ALAS2: variants seen among roughly 807,000 people sequenced by gnomAD.
ALAS2 encodes 5'-aminolevulinate synthase 2, also known as 5-aminolevulinate synthase, erythroid-specific, mitochondrial.
ALAS2 carries 3 observed loss-of-function variants against 33.7 expected under a neutral mutation model. That is an observed-to-expected ratio of 0.09 (90% CI 0.04 to 0.23). The LOEUF is 0.23. ALAS2 is among the 10% of genes least tolerant of loss of function. The probability of loss-of-function intolerance (pLI) is 1.00; values close to 1 mark genes in which losing one functional copy is unlikely to be tolerated. For missense variants in ALAS2, 304 were observed against 475.1 expected, an observed-to-expected ratio of 0.64 and a Z score of 3.35; for synonymous variants, 191 against 177.3, an observed-to-expected ratio of 1.08 and a Z score of -0.61.
At chrX:55,011,098 C>T (rs1261901812) in intron 10 of ALAS2, among the ~76,000 whole-genome samples, 3 of 111,233 alleles carry the variant, frequency 2.7e-5, no homozygotes, top group Non-Finnish European at 5.7e-5. Context: ...GCTGAAAAAA[C>T]AAAATGCATG....
At chrX:55,015,928 C>T (rs896416822) in intron 7 of ALAS2, among the ~76,000 whole-genome samples, 186 bp from the exon 8 acceptor site, 21 of 106,319 alleles carry the variant, frequency 2.0e-4, no homozygotes, top group Admixed American at 3.1e-4. Flanking sequence ...TGTATCTCAT[C>T]CCTGCCTTCT....
At chrX:55,027,337 G>A (rs1935908855) in intron 1 of ALAS2, among the ~76,000 whole-genome samples, 1 of 110,031 alleles carries the variant, frequency 9.1e-6, no homozygotes, top group Admixed American at 9.8e-5. Context: ...GGAGATGAGA[G>A]AGAGACTGAG....
intron 6 of ALAS2, 71 bp downstream of exon 6, chrX:55,020,249 A>G (rs1041818008): frequency 2.6e-5 from 28 of 1,061,655 alleles, no homozygotes; most frequent in African/African-American, 5.5e-5. Flanking sequence ...GGAAGGAGTG[A>G]TGGAACCAGT....
intron 10 of ALAS2, among the ~76,000 whole-genome samples, chrX:55,009,944 T>C (rs765071474): frequency 4.5e-4 from 50 of 111,729 alleles, no homozygotes; most frequent in African/African-American, 1.6e-3. Flanking sequence ...TCCAATCTTG[T>C]ATATCCAATG....
At chrX:55,014,326 C>T (rs931767933) in intron 9 of ALAS2, among the ~76,000 whole-genome samples, 1 of 111,665 alleles carries the variant, frequency 9.0e-6, no homozygotes, top group Non-Finnish European at 1.9e-5. Flanking sequence ...TGTGTATATG[C>T]AAATACCCAA....
intron 6 of ALAS2, among the ~76,000 whole-genome samples, chrX:55,019,057 A>G (rs1569547841): frequency 9.0e-6 from 1 of 111,431 alleles, no homozygotes; most frequent in Non-Finnish European, 1.9e-5. Context: ...GCAGGAGGTG[A>G]GGAAGTAGAT....
intron 10 of ALAS2, among the ~76,000 whole-genome samples, chrX:55,010,394 C>T (rs891164704): frequency 1.3e-4 from 15 of 111,482 alleles, no homozygotes; most frequent in Admixed American, 1.9e-4. Flanking sequence ...CAAGGGCTCT[C>T]AGAGTAAAAG....
chrX:55,020,836 A>G (rs949207396), intron 5 of ALAS2, among the ~76,000 whole-genome samples: 1 of 112,041 alleles, frequency 8.9e-6, no homozygotes, highest in Admixed American at 9.5e-5. Context: ...TTGGTCTCCC[A>G]TCCTTCCCCT....
intron 10 of ALAS2, among the ~76,000 whole-genome samples, chrX:55,010,951 T>G (rs1265722634): frequency 1.8e-5 from 2 of 111,512 alleles, no homozygotes; most frequent in African/African-American, 6.5e-5. Flanking sequence ...ATGCCTAAGT[T>G]AAGTCTACAA....
At position 55,025,398 on chromosome X, in the gene ALAS2, G is replaced by C. The variant is rs760704911; in HGVS notation, c.181+422C>G. Among the ~76,000 whole-genome samples, 13 of 111,435 alleles carry C rather than the reference G, an allele frequency of 1.2e-4. No individual in the cohort carries two copies. In the East Asian group the frequency reaches 3.7e-3, roughly 32 times the overall value. ...TGCCCAGGCTGGAGTGCAGTGGCATGATCTTGGCTCACTGCAACCTCCGCC... is the reference window on the plus strand; with the variant it reads ...TGCCCAGGCTGGAGTGCAGTGGCATCATCTTGGCTCACTGCAACCTCCGCC... On this transcript the variant is annotated intron_variant, in intron 2 of 10. Coordinates refer to ENST00000650242, the MANE Select transcript of ALAS2 (RefSeq NM_000032.5).
chrX:55,009,557 C>A (rs925041509), intron 10 of ALAS2, among the ~76,000 whole-genome samples: 1 of 111,655 alleles, frequency 9.0e-6, no homozygotes, highest in Non-Finnish European at 1.9e-5. Flanking sequence ...TGGAAGCTCT[C>A]CTTTGACACA....
intron 6 of ALAS2, among the ~76,000 whole-genome samples, chrX:55,018,783 G>GCAAA (rs1569547839): frequency 9.0e-6 from 1 of 110,889 alleles, no homozygotes; most frequent in East Asian, 2.8e-4. Context: ...GCTGAGGGTG[G>GCAAA]GGTGACAAAG....
chrX:55,025,997 C>G lies in ALAS2; in HGVS notation c.4G>C (p.Val2Leu). 5 of 1,210,177 alleles carry G rather than the reference C, an allele frequency of 4.1e-6. No individual in the cohort carries two copies. The South Asian group carries it at 7.0e-5, about 17-fold the overall frequency. ...CACTGTAGCAGCATGGCTGCAGTCA[C>G]CATCTTGAACCTAAAGTCCTGCAGA... MVTAAMLLQCCP... is the reference protein window; with the variant it reads MLTAAMLLQCCP... Residue 2 changes from valine to leucine, a missense_variant, in exon 2 of 11, where the codon GTG (valine) becomes CTG (leucine). Transcript: ENST00000650242.
chrX:55,015,981 G>C (rs1362461857), intron 7 of ALAS2, among the ~76,000 whole-genome samples: 13 of 103,412 alleles, frequency 1.3e-4, no homozygotes, highest in African/African-American at 4.7e-4. Flanking sequence ...GTGTGTGTGT[G>C]TGTGTGTGTG....
At position 55,027,771 on chromosome X, in the gene ALAS2, T is replaced by C. The variant is rs761198226; in HGVS notation, c.-15-1756A>G. ...CGTACCTCACAAAACAACCTCTTTT[T>C]CTTGTTCCATCCCAGAGCAACCTCT... On this transcript the variant is annotated intron_variant, in intron 1 of 10. Transcript: ENST00000650242. The C allele has an allele frequency of 2.5e-6, 3 of 1,209,569 alleles. No homozygotes were observed. Among genetic ancestry groups the C allele is most frequent in the East Asian group, 3.0e-5 (1 of 33,707 alleles).
chrX:55,017,803 C>A, intron 6 of ALAS2, 138 bp from the exon 7 acceptor site: 1 of 641,676 alleles, frequency 1.6e-6, no homozygotes, highest in Non-Finnish European at 2.5e-6. Context: ...TCTCTGGGAA[C>A]TTTTGTGACA....
intron 7 of ALAS2, 148 bp from the exon 8 acceptor site, chrX:55,015,890 A>G (rs769096140): frequency 1.6e-6 from 1 of 624,519 alleles, no homozygotes; most frequent in East Asian, 3.6e-5. Context: ...TAGAACTATT[A>G]CAAACCTCTG....
intron 1 of ALAS2, among the ~76,000 whole-genome samples, chrX:55,030,584 A>C (rs1206613435): frequency 9.0e-6 from 1 of 111,433 alleles, no homozygotes; most frequent in African/African-American, 3.3e-5. Flanking sequence ...AGACGGAGAG[A>C]TACAAAGCCG....
In ALAS2 at chrX:55,021,227, C is replaced by G; in HGVS notation, c.463G>C (p.Glu155Gln). Residue 155 changes from glutamate (E) to glutamine (Q), a missense_variant, in exon 5 of 11, where the codon GAG becomes CAG. Physicochemically the swap from Glu to Gln is conservative, Grantham distance 29 (BLOSUM62 2). This residue lies in a region of ALAS2 where 138 missense variants were observed against 265.3 expected (regional missense o/e 0.52). Transcript: ENST00000650242. ...YDQFFRDKIM[E>Q]KKQDHTYRVF... ...CGGTAGGTGTGATCCTGTTTCTTCT[C>G]CATGATCTTGTCCCTGAAAAACTGG... The G allele has an allele frequency of 8.3e-7, 1 of 1,211,868 alleles. No individual in the cohort carries two copies. Among genetic ancestry groups the G allele is most frequent in the African/African-American group, 1.7e-5 (1 of 57,871 alleles).
Sources: gnomAD v4.1 joint callset for allele counts (sites outside exome capture counted in the v4.1 genomes callset) on GRCh38, gnomAD v4.1.1 for gene constraint, gnomAD v4.1.1 regional missense constraint, MANE v1.5 for transcripts, NCBI Gene and HGNC (gene_info 2026-07-23, HGNC 2026-07-21) for gene names.